Variants in ILRUN observed in about 807,000 individuals in gnomAD.
ILRUN encodes the protein protein ILRUN.
Under a neutral mutation model 33.8 loss-of-function variants are expected in ILRUN, and 3 were observed. The ratio of observed to expected loss-of-function variants is 0.09; its 90% CI spans 0.04 to 0.23. The LOEUF (loss-of-function observed/expected upper bound fraction) is 0.23, where lower values mean the gene tolerates loss of function less well. ILRUN is among the 10% of genes least tolerant of loss of function. The probability of loss-of-function intolerance (pLI) is 1.00; values close to 1 mark genes in which losing one functional copy is unlikely to be tolerated. For synonymous variants in ILRUN, 124 were observed against 138.9 expected, an observed-to-expected ratio of 0.89 and a Z score of 0.75; for missense variants, 210 against 375.1, an observed-to-expected ratio of 0.56 and a Z score of 3.64.
chr6:34,692,436 T>C (rs1258720442), intron 1 of ILRUN, among the ~76,000 whole-genome samples: 2 of 152,164 alleles, frequency 1.3e-5, no homozygotes, highest in Admixed American at 6.5e-5. Context: ...TCAGAGCAAG[T>C]TGAGAGATTT....
chr6:34,613,239 AC>A (rs1761799256), intron 3 of ILRUN, among the ~76,000 whole-genome samples: 1 of 152,090 alleles, frequency 6.6e-6, no homozygotes, highest in Non-Finnish European at 1.5e-5. Context: ...AACAACAACA[AC>A]AACAACAAAA....
intron 1 of ILRUN, 127 bp from the exon 2 acceptor site, chr6:34,654,906 T>C: frequency 2.7e-6 from 2 of 742,054 alleles, no homozygotes; most frequent in East Asian, 3.0e-5. Flanking sequence ...TATACACGTC[T>C]TTAAAGCCTT....
intron 1 of ILRUN, among the ~76,000 whole-genome samples, chr6:34,675,265 A>G (rs1009999410): frequency 6.6e-6 from 1 of 152,134 alleles, no homozygotes; most frequent in African/African-American, 2.4e-5. Context: ...TGGGCGACAA[A>G]GCAAGACTCC....
intron 1 of ILRUN, among the ~76,000 whole-genome samples, chr6:34,688,129 G>T (rs1763565878): frequency 6.6e-6 from 1 of 152,188 alleles, no homozygotes; most frequent in Non-Finnish European, 1.5e-5. Context: ...GGTGGGGGTT[G>T]GGGGGTGGCT....
chr6:34,681,621 T>C (rs560289780), intron 1 of ILRUN, among the ~76,000 whole-genome samples: 1 of 152,166 alleles, frequency 6.6e-6, no homozygotes, highest in South Asian at 2.1e-4. Flanking sequence ...AAAATAAAAA[T>C]AAAGAGTTAA....
intron 4 of ILRUN, among the ~76,000 whole-genome samples, chr6:34,594,851 C>G (rs927459398): frequency 1.3e-5 from 2 of 152,140 alleles, no homozygotes; most frequent in African/African-American, 4.8e-5. Context: ...TGCAAGCAAG[C>G]CATTATCTGG....
intron 1 of ILRUN, among the ~76,000 whole-genome samples, chr6:34,673,155 T>G (rs553054012): frequency 6.6e-6 from 1 of 152,132 alleles, no homozygotes; most frequent in East Asian, 1.9e-4. Flanking sequence ...TAAGAAAAAT[T>G]TCAGAATGCA....
intron 1 of ILRUN, among the ~76,000 whole-genome samples, chr6:34,669,722 T>G (rs913784339): frequency 2.0e-5 from 3 of 152,084 alleles, no homozygotes; most frequent in African/African-American, 7.2e-5. Flanking sequence ...GATACAAAAC[T>G]AATTAACATA....
chr6:34,605,325 A>C lies in ILRUN; in HGVS notation c.861+1230T>G, dbSNP rs562495797. On this transcript the variant is annotated intron_variant, in intron 4 of 4. Coordinates refer to ENST00000374023, the MANE Select transcript of ILRUN (RefSeq NM_024294.4). Reference sequence around the variant, plus strand: ...CCGTCTCCAAAACAAAAACAAAAAAAAAAAAAAAAAAAAAAAGGAGGGCTG... The same window carrying C: ...CCGTCTCCAAAACAAAAACAAAAAACAAAAAAAAAAAAAAAAGGAGGGCTG... Among the ~76,000 whole-genome samples the C allele has an allele frequency of 1.6e-3, 229 of 142,606 alleles. 2 individuals carry two copies. The highest frequency in any genetic ancestry group is 7.9e-3 in the Middle Eastern group (2 of 252). 93.6% of individuals were successfully genotyped at this position (142,606 alleles called of 152,430 possible).
At chr6:34,603,621 G>T (rs1320409584) in intron 4 of ILRUN, among the ~76,000 whole-genome samples, 1 of 152,130 alleles carries the variant, frequency 6.6e-6, no homozygotes, top group Non-Finnish European at 1.5e-5. Flanking sequence ...GTGGCAGAGT[G>T]AGACTCTATC....
At chr6:34,605,141 T>C (rs868653262) in intron 4 of ILRUN, among the ~76,000 whole-genome samples, 11 of 151,976 alleles carry the variant, frequency 7.2e-5, no homozygotes, top group African/African-American at 2.7e-4. Context: ...ACCCCATCTC[T>C]ACTAACAATA....
At position 34,673,932 on chromosome 6, in the gene ILRUN, C is replaced by CACAT. The variant is rs1392383507; in HGVS notation, c.159-19154_159-19153insATGT. On this transcript the variant is annotated intron_variant, in intron 1 of 4. Transcript: ENST00000374023. The stretch of plus-strand genomic sequence containing the variant: ...ACACACACACACACACACACACACA[C>CACAT]ACACGAAAACTGATTTAGCCAAATT... Among the ~76,000 whole-genome samples the CACAT allele has an allele frequency of 6.6e-5, 10 of 151,644 alleles. 1 individual carries two copies. Among genetic ancestry groups the CACAT allele is most frequent in the African/African-American group, 2.4e-4 (10 of 41,190 alleles).
chr6:34,683,503 T>TATATATAC lies in ILRUN; in HGVS notation c.158+12942_158+12943insGTATATAT, dbSNP rs1562033278. Among the ~76,000 whole-genome samples, 153 of 95,252 alleles carry TATATATAC rather than the reference T, an allele frequency of 1.6e-3. 3 individuals carry two copies. Among genetic ancestry groups the TATATATAC allele is most frequent in the African/African-American group, 7.7e-3 (121 of 15,698 alleles). 62.5% of individuals were successfully genotyped at this position (95,252 alleles called of 152,430 possible). A position where few individuals can be genotyped will look rare whatever the true frequency, so the allele number is the denominator to read the frequency against. ...ATATATATACATATATATATACATA[T>TATATATAC]ATATATATATACATATATATATATA... On this transcript the variant is annotated intron_variant, in intron 1 of 4. Transcript: ENST00000374023.
rs541469906 is a variant in ILRUN at position 34,650,967 on chromosome 6, C to T, written c.313+3658G>A. 3.9e-5 allele frequency among the ~76,000 whole-genome samples: 6 copies of T among 152,232 alleles called. No homozygotes were observed. The South Asian group carries it at 1.0e-3, about 26-fold the overall frequency. ...AGGGAGGTTATGAATGAGAGTAAGA[C>T]AGCCAGAGGAAAAACTGCCAAGGCC... On this transcript the variant is annotated intron_variant, in intron 2 of 4. Coordinates refer to ENST00000374023, the MANE Select transcript of ILRUN (RefSeq NM_024294.4).
chr6:34,613,036 C>G (rs868383393), intron 3 of ILRUN, among the ~76,000 whole-genome samples: 10 of 149,534 alleles, frequency 6.7e-5, no homozygotes, highest in African/African-American at 2.5e-4. Context: ...GTGCGAGACT[C>G]CGTCTCAAGG....
chr6:34,677,390 CTGA>C (rs1304325072), intron 1 of ILRUN, among the ~76,000 whole-genome samples: 3 of 151,798 alleles, frequency 2.0e-5, no homozygotes, highest in African/African-American at 7.3e-5. Context: ...CAATAAATGA[CTGA>C]TGAAGTTACA....
At chr6:34,607,141 C>G (rs554017889) in intron 3 of ILRUN, among the ~76,000 whole-genome samples, 10 of 152,300 alleles carry the variant, frequency 6.6e-5, no homozygotes, top group African/African-American at 2.4e-4. Flanking sequence ...GTGGTGAGAT[C>G]CATGAAACTC....
intron 4 of ILRUN, among the ~76,000 whole-genome samples, chr6:34,597,627 G>A (rs563410368): frequency 2.6e-5 from 4 of 152,330 alleles, no homozygotes; most frequent in African/African-American, 9.6e-5. Flanking sequence ...ATTAAGGGAA[G>A]ACAGTAAGTT....
chr6:34,621,463 T>A (rs1762011018), intron 3 of ILRUN, among the ~76,000 whole-genome samples: 1 of 152,222 alleles, frequency 6.6e-6, no homozygotes, highest in Non-Finnish European at 1.5e-5. Flanking sequence ...ATCAGGCTGT[T>A]ACCACCTGAA....
Sources: allele counts gnomAD v4.1 joint callset (sites outside exome capture counted in the v4.1 genomes callset), GRCh38; gene constraint gnomAD v4.1.1; transcripts MANE v1.5; gene names NCBI Gene and HGNC (gene_info 2026-07-23, HGNC 2026-07-21).